RGS7: variants seen among roughly 807,000 people sequenced by gnomAD.
The protein encoded by RGS7 is regulator of G-protein signaling 7.
In RGS7, 27 loss-of-function variants were observed where a neutral mutation model predicts 81.1. The observed-to-expected ratio is 0.33, with a 90% CI of 0.25 to 0.46. The LOEUF is 0.46. RGS7 is among the 20% of genes least tolerant of loss of function. The pLI, the probability that RGS7 is intolerant of heterozygous loss-of-function variation, is 1.00. For missense variants in RGS7, 396 were observed against 607.4 expected (o/e 0.65, Z 3.66); for synonymous variants, 208 against 207.7 (o/e 1.00, Z -0.01).
At chr1:241,239,741 G>A (rs1558225573) in intron 2 of RGS7, among the ~76,000 whole-genome samples, 1 of 152,184 alleles carries the variant, frequency 6.6e-6, no homozygotes, top group African/African-American at 2.4e-5. Flanking sequence ...AAATGCAAAT[G>A]ATCAGGCTTC....
chr1:241,129,267 A>C (rs942334624), intron 2 of RGS7, among the ~76,000 whole-genome samples: 4 of 151,510 alleles, frequency 2.6e-5, no homozygotes, highest in Admixed American at 2.6e-4. Context: ...AAACAAACAA[A>C]CAAAAAAAAA....
intron 3 of RGS7, among the ~76,000 whole-genome samples, chr1:241,039,613 C>G (rs2060502138): frequency 6.6e-6 from 1 of 151,906 alleles, no homozygotes; most frequent in Non-Finnish European, 1.5e-5. Context: ...ATTTCTCATG[C>G]TCCTTCACAG....
At chr1:241,115,154 G>A (rs1304984760) in intron 2 of RGS7, among the ~76,000 whole-genome samples, 3 of 152,104 alleles carry the variant, frequency 2.0e-5, no homozygotes, top group Non-Finnish European at 2.9e-5. Flanking sequence ...ACATAAGCAA[G>A]ACCTTAACTT....
chr1:241,062,162 A>G (rs879640587), intron 3 of RGS7, among the ~76,000 whole-genome samples: 1 of 152,222 alleles, frequency 6.6e-6, no homozygotes, highest in Admixed American at 6.5e-5. Flanking sequence ...CTTCCTTCTC[A>G]TGAAAAGCAA....
chr1:241,003,679 C>G (rs1339492507), intron 3 of RGS7, among the ~76,000 whole-genome samples: 3 of 152,132 alleles, frequency 2.0e-5, no homozygotes, highest in African/African-American at 7.2e-5. Context: ...TTTCCAAACC[C>G]TCATGAAGGG....
chr1:241,233,884 G>GT (rs2075791200), intron 2 of RGS7, among the ~76,000 whole-genome samples: 1 of 151,342 alleles, frequency 6.6e-6, no homozygotes, highest in Non-Finnish European at 1.5e-5. Context: ...AACGTATGAG[G>GT]GTTCCCCTTT....
At chr1:240,874,000 G>C (rs1269415662) in intron 6 of RGS7, among the ~76,000 whole-genome samples, 1 of 151,972 alleles carries the variant, frequency 6.6e-6, no homozygotes, top group Non-Finnish European at 1.5e-5. Flanking sequence ...CAAGTTATTT[G>C]AGAGATGATT....
At chr1:241,113,326 T>A (rs2065662266) in intron 2 of RGS7, among the ~76,000 whole-genome samples, 1 of 152,308 alleles carries the variant, frequency 6.6e-6, no homozygotes, top group Non-Finnish European at 1.5e-5. Flanking sequence ...CAGAAGGTCA[T>A]GGCAGTGATG....
intron 18 of RGS7, among the ~76,000 whole-genome samples, chr1:240,798,203 T>C (rs1687393425): frequency 6.6e-6 from 1 of 152,216 alleles, no homozygotes; most frequent in Non-Finnish European, 1.5e-5. Context: ...AAGGAGTCTA[T>C]ATTTTTTGGA....
rs370098464 is a variant in RGS7, at chr1:241,052,578, C to T, written c.175+46088G>A. On this transcript the variant is annotated intron_variant, in intron 3 of 18. Transcript: ENST00000440928. The stretch of plus-strand genomic sequence containing the variant: ...TGACCTTCTCTATTTCTATAAAAAG[C>T]GAAATCACTCCTCCCTCTGATGACC... Among the ~76,000 whole-genome samples, 194 of 152,146 alleles carry T rather than the reference C, an allele frequency of 1.3e-3. 1 individual carries two copies. Among genetic ancestry groups the T allele is most frequent in the Middle Eastern group, 0.01 (3 of 294 alleles).
At chr1:241,054,667 C>T (rs921576491) in intron 3 of RGS7, among the ~76,000 whole-genome samples, 1 of 152,232 alleles carries the variant, frequency 6.6e-6, no homozygotes, top group African/African-American at 2.4e-5. Flanking sequence ...CAATCAACCA[C>T]ACATCTATTA....
At chr1:240,888,897 G>A (rs923592960) in intron 6 of RGS7, among the ~76,000 whole-genome samples, 1 of 152,136 alleles carries the variant, frequency 6.6e-6, no homozygotes, top group African/African-American at 2.4e-5. Flanking sequence ...GGTGCAAAGG[G>A]CAGAGCTACT....
chr1:241,107,266 G>C (rs770792510), intron 2 of RGS7, among the ~76,000 whole-genome samples: 1 of 152,094 alleles, frequency 6.6e-6, no homozygotes, highest in African/African-American at 2.4e-5. Context: ...GAGTTTTACA[G>C]TTTGTGAAAT....
At chr1:241,320,962 G>A (rs2081173592) in intron 2 of RGS7, among the ~76,000 whole-genome samples, 1 of 152,194 alleles carries the variant, frequency 6.6e-6, no homozygotes, top group African/African-American at 2.4e-5. Flanking sequence ...CCAATGTTAT[G>A]TGATTAGAAT....
chr1:241,213,485 A>G (rs887397394), intron 2 of RGS7, among the ~76,000 whole-genome samples: 17 of 152,194 alleles, frequency 1.1e-4, no homozygotes, highest in Non-Finnish European at 7.3e-5. Flanking sequence ...GCTCACAGTC[A>G]CACTCAACAT....
intron 2 of RGS7, among the ~76,000 whole-genome samples, chr1:241,138,640 C>G (rs2067699743): frequency 6.6e-6 from 1 of 152,188 alleles, no homozygotes; most frequent in Admixed American, 6.5e-5. Context: ...GGTGCCTCCT[C>G]TATTTCACCT....
chr1:240,851,132 A>T (rs1451166404), intron 9 of RGS7, among the ~76,000 whole-genome samples: 1 of 152,214 alleles, frequency 6.6e-6, no homozygotes, highest in Admixed American at 6.5e-5. Context: ...ATAGCTAGAC[A>T]GGAGAAGTCA....
chr1:240,935,794 G>C (rs531735448), intron 5 of RGS7, among the ~76,000 whole-genome samples: 12 of 152,290 alleles, frequency 7.9e-5, no homozygotes, highest in African/African-American at 2.2e-4. Context: ...TGAGAAGAAG[G>C]CTCCAAAGTC....
intron 2 of RGS7, among the ~76,000 whole-genome samples, chr1:241,335,638 C>T (rs1373497044): frequency 1.3e-5 from 2 of 152,070 alleles, no homozygotes; most frequent in African/African-American, 4.8e-5. Context: ...TATTGGAACA[C>T]ACAAAAATCA....
Sources: gnomAD v4.1 joint callset for allele counts (sites outside exome capture counted in the v4.1 genomes callset) on GRCh38, gnomAD v4.1.1 for gene constraint, MANE v1.5 for transcripts, NCBI Gene and HGNC (gene_info 2026-07-23, HGNC 2026-07-21) for gene names.